The following HOXA3 variants were observed in gnomAD, a reference collection of about 807,000 sequenced individuals.
HOXA3 encodes homeobox protein Hox-A3.
A neutral mutation model predicts 30.3 loss-of-function variants in HOXA3; 8 were observed. The observed-to-expected ratio is 0.26, with a 90% CI of 0.15 to 0.48. The LOEUF (loss-of-function observed/expected upper bound fraction) is 0.48. HOXA3 is among the 20% of genes least tolerant of loss of function. HOXA3 has a pLI of 0.99. For missense variants in HOXA3, 653 were observed against 614.4 expected (o/e 1.06, Z -0.66); for synonymous variants, 323 against 273.1 (o/e 1.18, Z -1.80).
intron 1 of HOXA3, chr7:27,141,366 G>T (rs1782563007): frequency 1.3e-5 from 2 of 159,080 alleles, no homozygotes; most frequent in Admixed American, 1.2e-4. Context: ...CTCTACAACA[G>T]CATTAATTAC....
Position 27,113,871 on chromosome 7 carries a change from CCCCA to C in HOXA3, c.-120-3115_-120-3112del, listed in dbSNP as rs1307689058. ...GCGGCTTGGACCCCCCTCCCACCCA[CCCCA>C]CCCACCCACCCCTCCCCCACACCCC... On this transcript the variant is annotated intron_variant, in intron 4 of 5. Transcript: ENST00000612286. The surrounding 1 kb of genome is among the most constrained non-coding windows in gnomAD (Gnocchi z 4.8). 2 of 150,322 alleles carry C rather than the reference CCCCA, an allele frequency of 1.3e-5. No individual in the cohort carries two copies. Among genetic ancestry groups the C allele is most frequent in the Non-Finnish European group, 3.0e-5 (2 of 67,082 alleles). 9.3% of individuals were successfully genotyped at this position (150,322 alleles called of 1,614,324 possible).
rs867271066 is a variant in HOXA3 at position 27,107,788 on chromosome 7, G to C, written c.*127C>G. On this transcript the variant is annotated 3_prime_UTR_variant, in exon 6 of 6. Transcript: ENST00000612286. ...GGGAAACCGGGAAACGGAGTGCGGGGCGGAGAAGAGAGAAAAGGAAGGAAG... is the reference window on the plus strand; with the variant it reads ...GGGAAACCGGGAAACGGAGTGCGGGCCGGAGAAGAGAGAAAAGGAAGGAAG... 2.5e-4 allele frequency: 164 copies of C among 649,128 alleles called. No homozygotes were observed. The Middle Eastern group carries it at 3.5e-3, about 14-fold the overall frequency. 40.2% of individuals were successfully genotyped at this position (649,128 alleles called of 1,614,324 possible).
At chr7:27,145,940 G>A in intron 1 of HOXA3, 2 of 1,603,828 alleles carry the variant, frequency 1.2e-6, no homozygotes, top group African/African-American at 1.3e-5. Context: ...ACGGCCGGGC[G>A]CCGGTAAGCC....
At chr7:27,137,035 C>T (rs965328108) in intron 2 of HOXA3, among the ~76,000 whole-genome samples, 1 of 152,192 alleles carries the variant, frequency 6.6e-6, no homozygotes, top group Non-Finnish European at 1.5e-5. Context: ...CATGGACAGA[C>T]CCCCAGCCAA....
At chr7:27,117,083 T>A (rs922071594) in intron 4 of HOXA3, among the ~76,000 whole-genome samples, 33 of 152,324 alleles carry the variant, frequency 2.2e-4, no homozygotes, top group African/African-American at 7.7e-4. Context: ...TCCAGGGAGT[T>A]CCCACCCTTC....
chr7:27,121,204 C>CT (rs1484662777), intron 4 of HOXA3: 1 of 149,296 alleles, frequency 6.7e-6, no homozygotes, highest in Admixed American at 6.9e-5. Context: ...GTAAGGCTCT[C>CT]TTAGCCCACT....
At position 27,148,180 on chromosome 7, in the gene HOXA3, C is replaced by T. The variant is rs2128063332; in HGVS notation, c.-494+4108G>A. On this transcript the variant is annotated intron_variant, in intron 1 of 5. Coordinates refer to ENST00000612286, the MANE Select transcript of HOXA3 (RefSeq NM_153631.3). ...TTTGCTTTATTGAATTTTGCGGGTT[C>T]CCCGCCCCTCCTCCTCCAAACAGGA... 2.0e-5 allele frequency among the ~76,000 whole-genome samples: 3 copies of T among 152,384 alleles called. 1 individual carries two copies. The East Asian group carries it at 5.8e-4, about 29-fold the overall frequency.
intron 3 of HOXA3, among the ~76,000 whole-genome samples, chr7:27,126,090 A>G (rs1177038367): frequency 6.6e-6 from 1 of 152,208 alleles, no homozygotes; most frequent in Non-Finnish European, 1.5e-5. Context: ...TCACAGTTGA[A>G]TTCCTGCTGT....
intron 1 of HOXA3, among the ~76,000 whole-genome samples, chr7:27,146,895 A>G (rs1250469733): frequency 6.6e-6 from 1 of 152,212 alleles, no homozygotes; most frequent in Non-Finnish European, 1.5e-5. Flanking sequence ...GAAGGGCAGA[A>G]AGGAGAGGGG....
intron 1 of HOXA3, chr7:27,145,829 G>T: frequency 6.2e-7 from 1 of 1,614,276 alleles, no homozygotes. Context: ...TCAGGTAGCG[G>T]TTGAAGTGGA....
At chr7:27,141,722 C>T (rs1054773560) in intron 1 of HOXA3, 85 of 1,363,464 alleles carry the variant, frequency 6.2e-5, no homozygotes, top group East Asian at 1.6e-4. Context: ...ATTAGGGCAA[C>T]GAGAACAGGG....
At chr7:27,124,963 C>A (rs1785219648) in intron 3 of HOXA3, among the ~76,000 whole-genome samples, 1 of 152,128 alleles carries the variant, frequency 6.6e-6, no homozygotes, top group Non-Finnish European at 1.5e-5. Context: ...CCTCCTGAGC[C>A]CAGTGGCCAG....
chr7:27,145,849 C>G (rs1782741297), intron 1 of HOXA3: 2 of 1,614,136 alleles, frequency 1.2e-6, no homozygotes, highest in African/African-American at 2.7e-5. Context: ...AACTCCTTCT[C>G]CAGCTCCAGT....
chr7:27,146,497 CATT>C (rs761528795), intron 1 of HOXA3, among the ~76,000 whole-genome samples: 1 of 152,294 alleles, frequency 6.6e-6, no homozygotes, highest in East Asian at 1.9e-4. Flanking sequence ...TAATGGAAAA[CATT>C]ATAATTTTAA....
rs1270485937 is a variant in HOXA3, at chr7:27,143,386, A to G, written c.-493-3200T>C. On this transcript the variant is annotated intron_variant, in intron 1 of 5. Coordinates refer to ENST00000612286, the MANE Select transcript of HOXA3 (RefSeq NM_153631.3). Reference sequence around the variant, plus strand: ...CGGCGGGCGCCGCGCTGGCGCTGGCAGCGTAGCTGCGGGCGCGCTCTCCGG... The same window carrying G: ...CGGCGGGCGCCGCGCTGGCGCTGGCGGCGTAGCTGCGGGCGCGCTCTCCGG... The G allele has an allele frequency of 2.5e-6, 4 of 1,600,520 alleles. No individual in the cohort carries two copies. In the African/African-American group the frequency reaches 5.4e-5, roughly 22 times the overall value.
intron 1 of HOXA3, chr7:27,142,139 C>A: frequency 6.3e-7 from 1 of 1,579,664 alleles, no homozygotes; most frequent in Non-Finnish European, 8.6e-7. Context: ...CCAAAGTCCG[C>A]CAGGGGGACA....
intron 2 of HOXA3, among the ~76,000 whole-genome samples, chr7:27,138,838 TCTC>T (rs1169218640): frequency 2.6e-5 from 4 of 152,156 alleles, no homozygotes; most frequent in African/African-American, 9.7e-5. Context: ...AAGGCGGAAA[TCTC>T]CTACTGACAA....
chr7:27,127,314 T>A (rs758324614), intron 2 of HOXA3, among the ~76,000 whole-genome samples: 2 of 152,202 alleles, frequency 1.3e-5, no homozygotes. Flanking sequence ...TGCTCCCGAA[T>A]TTTCTTGGCT....
chr7:27,144,875 G>T (rs1782695217), intron 1 of HOXA3, among the ~76,000 whole-genome samples: 2 of 152,228 alleles, frequency 1.3e-5, no homozygotes. Context: ...GGCTCCCATG[G>T]CCCTGGGCCC....
Sources: gnomAD v4.1 joint callset for allele counts (sites outside exome capture counted in the v4.1 genomes callset) on GRCh38, gnomAD v4.1.1 for gene constraint, Gnocchi (gnomAD v3.1) non-coding constraint, MANE v1.5 for transcripts, NCBI Gene and HGNC (gene_info 2026-07-23, HGNC 2026-07-21) for gene names.